Variants in NUP133 observed in about 807,000 individuals in gnomAD.
NUP133 encodes the protein nucleoporin 133, also known as nuclear pore complex protein Nup133.
A neutral mutation model predicts 146.2 loss-of-function variants in NUP133; 66 were observed. The observed-to-expected ratio is 0.45, with a 90% CI of 0.37 to 0.55. The LOEUF (loss-of-function observed/expected upper bound fraction) is 0.55. Ranked by LOEUF, NUP133 falls within the 20% of genes least tolerant of loss-of-function variation. The pLI, the probability that NUP133 is intolerant of heterozygous loss-of-function variation, is 0.00. For synonymous variants in NUP133, 521 were observed against 498.8 expected, an observed-to-expected ratio of 1.04 and a Z score of -0.59; for missense variants, 1,277 against 1,374.8, an observed-to-expected ratio of 0.93 and a Z score of 1.12.
intron 21 of NUP133, among the ~76,000 whole-genome samples, chr1:229,456,984 C>T (rs1660583890): frequency 6.6e-6 from 1 of 151,832 alleles, no homozygotes; most frequent in Admixed American, 6.6e-5. Context: ...CACACCACCA[C>T]ACCTGGCTAA....
At chr1:229,473,286 T>TA (rs1172194738) in intron 14 of NUP133, among the ~76,000 whole-genome samples, 1 of 152,180 alleles carries the variant, frequency 6.6e-6, no homozygotes, top group African/African-American at 2.4e-5. Flanking sequence ...CCTTAGTATC[T>TA]AGTTATACCT....
rs546939545 is a variant in NUP133, at chr1:229,466,810, A to G, written c.2077-54T>C. Reference sequence around the variant, plus strand: ...TACAACAAAAATTATGGTGATGGGTAACAACTACCCAGTGAGTTTTACTCA... The same window carrying G: ...TACAACAAAAATTATGGTGATGGGTGACAACTACCCAGTGAGTTTTACTCA... On this transcript the variant is annotated intron_variant, in intron 15 of 25. Coordinates refer to ENST00000261396, the MANE Select transcript of NUP133 (RefSeq NM_018230.3). The G allele has an allele frequency of 3.9e-4, 615 of 1,581,436 alleles. 9 individuals carry two copies. In the South Asian group the frequency reaches 6.6e-3, roughly 17 times the overall value.
chr1:229,443,723 ATTTTT>A (rs71561738), intron 25 of NUP133, among the ~76,000 whole-genome samples: 3 of 116,164 alleles, frequency 2.6e-5, no homozygotes, highest in African/African-American at 3.7e-5. Flanking sequence ...CACATATATA[ATTTTT>A]TTTTTTTTTT....
At chr1:229,457,513 T>C (rs1423527181) in intron 21 of NUP133, among the ~76,000 whole-genome samples, 2 of 152,206 alleles carry the variant, frequency 1.3e-5, no homozygotes, top group Admixed American at 6.5e-5. Flanking sequence ...AAATCACCTC[T>C]AGATTATAAT....
chr1:229,461,953 G>A (rs143487403), intron 19 of NUP133, among the ~76,000 whole-genome samples: 4,475 of 150,542 alleles, frequency 0.03, 226 homozygotes, highest in African/African-American at 0.1. Context: ...GCACGATCTT[G>A]GCTCACTGCA....
intron 2 of NUP133, 149 bp from the exon 3 acceptor site, chr1:229,502,251 C>T: frequency 1.7e-6 from 1 of 596,598 alleles, no homozygotes; most frequent in Non-Finnish European, 3.0e-6. Flanking sequence ...ACACCAAAAA[C>T]AATAGATCTA....
At chr1:229,445,312 A>G (rs1051969667) in intron 24 of NUP133, among the ~76,000 whole-genome samples, 3 of 152,212 alleles carry the variant, frequency 2.0e-5, no homozygotes, top group Non-Finnish European at 4.4e-5. Flanking sequence ...GATTTCAGAA[A>G]CCAAGTAGTG....
In NUP133 at chr1:229,444,058, C is replaced by T. The variant is rs941064927; in HGVS notation, c.3334+856G>A. Among the ~76,000 whole-genome samples, 5 of 152,000 alleles carry T rather than the reference C, an allele frequency of 3.3e-5. No homozygotes were observed. In the South Asian group the frequency reaches 6.2e-4, roughly 19 times the overall value. Reference sequence around the variant, plus strand: ...TATTTAAATAAAAGTTTCAGCTGGGCGTGGTGGCTCATGCCTGTAATCCCA... The same window carrying T: ...TATTTAAATAAAAGTTTCAGCTGGGTGTGGTGGCTCATGCCTGTAATCCCA... On this transcript the variant is annotated intron_variant, in intron 25 of 25. Coordinates refer to ENST00000261396, the MANE Select transcript of NUP133 (RefSeq NM_018230.3).
intron 17 of NUP133, 23 bp from the exon 18 acceptor site, chr1:229,464,898 A>G (rs1308366082): frequency 1.2e-6 from 2 of 1,612,494 alleles, no homozygotes; most frequent in African/African-American, 2.7e-5. Context: ...ACAAAATAAT[A>G]TGGTTAAAGT....
chr1:229,508,173 C>G lies in NUP133; in HGVS notation c.77G>C (p.Gly26Ala). 1 of 1,590,414 alleles carries G rather than the reference C, an allele frequency of 6.3e-7. No homozygotes were observed. Among genetic ancestry groups the G allele is most frequent in the Non-Finnish European group, 8.5e-7 (1 of 1,170,100 alleles). Residue 26 changes from glycine to alanine, a missense_variant, in exon 1 of 26, where the codon GGC becomes GCC. This residue lies in a region of NUP133 where 319 missense variants were observed against 306.9 expected (regional missense o/e 1.04). Transcript: ENST00000261396. ...CCTGCTAGCCGTCCGGGGCGTGGAG[C>G]CGGGCCCGAGTCCGGCCAGCGGGCC... ...RRGPLAGLGP[G>A]STPRTASRKG... is the part of the protein sequence containing the mutation.
chr1:229,488,038 G>A (rs898341234), intron 9 of NUP133, among the ~76,000 whole-genome samples: 3 of 151,720 alleles, frequency 2.0e-5, no homozygotes, highest in Non-Finnish European at 4.4e-5. Flanking sequence ...TAGAGATGGG[G>A]TTTCACCATG....
Position 229,441,832 on chromosome 1 carries a change from G to C in NUP133, c.*72C>G. On this transcript the variant is annotated 3_prime_UTR_variant, in exon 26 of 26. Coordinates refer to ENST00000261396, the MANE Select transcript of NUP133 (RefSeq NM_018230.3). ...TATGAAATTGTACAAACTTACACTT[G>C]TTTATGGCCTAAAATTTGTATAAGG... 2.4e-6 allele frequency: 3 copies of C among 1,261,278 alleles called. No homozygotes were observed. Among genetic ancestry groups the C allele is most frequent in the Non-Finnish European group, 1.1e-6 (1 of 922,836 alleles). The allele number at this position is 1,261,278 out of a possible 1,614,324, so 78.1% of individuals were successfully genotyped here.
At chr1:229,446,277 C>T (rs748497517) in intron 24 of NUP133, among the ~76,000 whole-genome samples, 103 of 152,086 alleles carry the variant, frequency 6.8e-4, no homozygotes, top group African/African-American at 2.0e-3. Context: ...GGCGTGGTGG[C>T]GCATGCCTGT....
chr1:229,463,067 T>C (rs1660727271), intron 19 of NUP133, among the ~76,000 whole-genome samples: 1 of 152,168 alleles, frequency 6.6e-6, no homozygotes, highest in Non-Finnish European at 1.5e-5. Flanking sequence ...TTTCCAAAGG[T>C]CAAAGAATCT....
At position 229,464,756 on chromosome 1, in the gene NUP133, C is replaced by T. The variant is rs776963861; in HGVS notation, c.2419G>A (p.Ala807Thr). ...CCATCCAGGAAGCAATCGATCAGGG[C>T]TACCAGCTGCTCGGTCACGATGTTT... ...LRNIVTEQLV[A>T]LIDCFLDGYV... Residue 807 changes from alanine to threonine, a missense_variant, in exon 18 of 26, where the codon GCC becomes ACC. Ala to Thr is a moderately conservative substitution (Grantham distance 58). This residue lies in a region of NUP133 where 952 missense variants were observed against 1,047.0 expected (regional missense o/e 0.91). Coordinates refer to ENST00000261396, the MANE Select transcript of NUP133 (RefSeq NM_018230.3). The T allele has an allele frequency of 6.2e-7, 1 of 1,614,218 alleles. No individual in the cohort carries two copies. The highest frequency in any genetic ancestry group is 8.5e-7 in the Non-Finnish European group (1 of 1,180,054).
intron 12 of NUP133, among the ~76,000 whole-genome samples, chr1:229,483,696 CAAA>C (rs35673633): frequency 3.3e-4 from 19 of 57,526 alleles, no homozygotes; most frequent in Admixed American, 1.1e-3. Flanking sequence ...CGGAGTGTCT[CAAA>C]AAAAAAAAAA....
chr1:229,472,460 A>G (rs1188148635), intron 14 of NUP133, among the ~76,000 whole-genome samples: 2 of 151,894 alleles, frequency 1.3e-5, no homozygotes, highest in Admixed American at 1.3e-4. Context: ...ACAGTGGCTC[A>G]CACCTGTAAT....
At chr1:229,479,838 T>A (rs61017684) in intron 12 of NUP133, among the ~76,000 whole-genome samples, 12,429 of 152,126 alleles carry the variant, frequency 0.082, 1,661 homozygotes, top group African/African-American at 0.28. Context: ...GGTCGACAAC[T>A]GAGAATGTAG....
At chr1:229,456,767 A>ATC (rs1391532233) in intron 21 of NUP133, among the ~76,000 whole-genome samples, 1 of 151,594 alleles carries the variant, frequency 6.6e-6, no homozygotes, top group Non-Finnish European at 1.5e-5. Flanking sequence ...ACACAATTTT[A>ATC]TATATACACA....
Sources: allele counts gnomAD v4.1 joint callset (sites outside exome capture counted in the v4.1 genomes callset), GRCh38; gene constraint gnomAD v4.1.1; regional missense constraint gnomAD v4.1.1; transcripts MANE v1.5; gene names NCBI Gene and HGNC (gene_info 2026-07-23, HGNC 2026-07-21).